The following ITIH6 variants were observed in gnomAD, a reference collection of about 807,000 sequenced individuals.
ITIH6 encodes the protein inter-alpha-trypsin inhibitor heavy chain H6.
A neutral mutation model predicts 58.2 loss-of-function variants in ITIH6; 60 were observed. The observed-to-expected ratio is 1.03, with a 90% CI of 0.84 to 1.28. The LOEUF (loss-of-function observed/expected upper bound fraction) is 1.28. Among genes scored for constraint, ITIH6 ranks in the 50% most tolerant of loss-of-function variants. The probability of loss-of-function intolerance (pLI) is 0.00; values close to 1 mark genes in which losing one functional copy is unlikely to be tolerated. For missense variants in ITIH6, 1,290 were observed against 1,021.1 expected (o/e 1.26, Z -3.59); for synonymous variants, 493 against 417.4 (o/e 1.18, Z -2.21).
At chrX:54,796,799 C>T in intron 2 of ITIH6, 143 bp downstream of exon 2, 1 of 529,599 alleles carries the variant, frequency 1.9e-6, no homozygotes. Context: ...GGGTCCCAAA[C>T]TGGCAGAGCC....
At chrX:54,793,841 C>T (rs1299514379) in intron 2 of ITIH6, among the ~76,000 whole-genome samples, 1 of 111,296 alleles carries the variant, frequency 9.0e-6, no homozygotes, top group East Asian at 2.8e-4. Context: ...CATACAGCAG[C>T]AAAGACTTTT....
chrX:54,785,417 C>T (rs1005977336), intron 5 of ITIH6, among the ~76,000 whole-genome samples: 1 of 111,055 alleles, frequency 9.0e-6, no homozygotes, highest in African/African-American at 3.3e-5. Context: ...GAATCGGTAC[C>T]GTGTGATGTG....
At chrX:54,761,532 T>C (rs1368679067) in intron 6 of ITIH6, among the ~76,000 whole-genome samples, 2 of 111,527 alleles carry the variant, frequency 1.8e-5, no homozygotes, top group Non-Finnish European at 3.8e-5. Context: ...TCCTGAATGG[T>C]ATTGCCTAGG....
chrX:54,771,723 A>C (rs1454740313), intron 6 of ITIH6, among the ~76,000 whole-genome samples: 1 of 112,072 alleles, frequency 8.9e-6, no homozygotes, highest in Non-Finnish European at 1.9e-5. Flanking sequence ...GTAGACAACA[A>C]GCATACGAAA....
intron 6 of ITIH6, among the ~76,000 whole-genome samples, chrX:54,770,261 G>C (rs1369266953): frequency 1.8e-5 from 2 of 112,599 alleles, no homozygotes; most frequent in Non-Finnish European, 3.8e-5. Context: ...CGCACCCACT[G>C]GCCTGCGCCC....
chrX:54,752,163 C>T (rs1928377293), intron 11 of ITIH6, among the ~76,000 whole-genome samples: 1 of 111,386 alleles, frequency 9.0e-6, no homozygotes, highest in Non-Finnish European at 1.9e-5. Context: ...ATGGAAAATG[C>T]ATTTTATGAA....
chrX:54,778,725 G>C (rs761865229), intron 5 of ITIH6, among the ~76,000 whole-genome samples: 8 of 110,708 alleles, frequency 7.2e-5, no homozygotes, highest in African/African-American at 2.3e-4. Flanking sequence ...TTATTCAGAG[G>C]GATAATAACA....
intron 6 of ITIH6, among the ~76,000 whole-genome samples, chrX:54,768,317 C>T (rs1194802891): frequency 1.3e-5 from 1 of 79,013 alleles, no homozygotes; most frequent in African/African-American, 5.5e-5. Flanking sequence ...CTGAATACAG[C>T]ACACTGATGG....
At position 54,757,203 on chromosome X, in the gene ITIH6, C is replaced by T. The variant is rs1341985931; in HGVS notation, c.2871G>A (p.Leu957=). ...TTGGAACTCCTGGCCTAGATGGTCC[C>T]AGAACTTGCCTGGTCCTCTGGGGAC... The part of the protein sequence containing the change: ...LPGPQRTRQV[L]GPSRPGVPTM... The change falls in exon 8 of 13, where the codon CTG becomes CTA. Residue 957 remains leucine (L), a synonymous_variant. Transcript: ENST00000218436. The T allele has an allele frequency of 8.3e-7, 1 of 1,202,678 alleles. No individual in the cohort carries two copies. The highest frequency in any genetic ancestry group is 2.2e-5 in the Admixed American group (1 of 45,385).
chrX:54,774,347 G>A, intron 5 of ITIH6, 150 bp from the exon 6 acceptor site: 1 of 321,638 alleles, frequency 3.1e-6, no homozygotes, highest in Non-Finnish European at 5.6e-6. Context: ...GTGACTGTTT[G>A]CTCACTGTCC....
At chrX:54,755,258 C>T (rs1376137368) in intron 8 of ITIH6, 149 bp from the exon 9 acceptor site, 1 of 450,584 alleles carries the variant, frequency 2.2e-6, no homozygotes, top group Admixed American at 4.1e-5. Context: ...GCCTCTTAAT[C>T]TCTCAAGCTC....
In ITIH6 at chrX:54,758,830, C is replaced by T. The variant is rs780083076; in HGVS notation, c.1244G>A (p.Arg415His). 2.1e-5 allele frequency: 25 copies of T among 1,209,496 alleles called. No individual in the cohort carries two copies. In the East Asian group the frequency reaches 3.0e-4, roughly 14 times the overall value. Residue 415 changes from arginine to histidine, a missense_variant, in exon 8 of 13, where the codon CGT becomes CAT. Physicochemically the swap from Arg to His is conservative, Grantham distance 29. Coordinates refer to ENST00000218436, the MANE Select transcript of ITIH6 (RefSeq NM_198510.3). ...GGATACCCTGTGGCCTAGCGCCTGA[C>T]GGACATTGGAGAGGATCACACTGGG... is the stretch of plus-strand genomic sequence containing the variant. ...TTPSVILSNV[R>H]QALGHRVSLF...
intron 6 of ITIH6, among the ~76,000 whole-genome samples, chrX:54,770,216 A>C (rs1928917886): frequency 8.9e-6 from 1 of 112,791 alleles, no homozygotes; most frequent in Admixed American, 9.3e-5. Flanking sequence ...CAGGTGAGGC[A>C]ATGCCTCGCC....
intron 5 of ITIH6, among the ~76,000 whole-genome samples, chrX:54,780,015 A>T (rs1263041400): frequency 8.9e-6 from 1 of 111,812 alleles, no homozygotes; most frequent in Non-Finnish European, 1.9e-5. Context: ...TGGAGAACCA[A>T]GATATATAAG....
chrX:54,788,132 T>C lies in ITIH6; in HGVS notation c.786+348A>G, dbSNP rs1235723491. ...GGAAGCCCAAGAGAACACAGGAGAG[T>C]ATAGGAGCTGCAGAACGCGTGAGAA... On this transcript the variant is annotated intron_variant, in intron 5 of 12. Transcript: ENST00000218436. 4.5e-5 allele frequency among the ~76,000 whole-genome samples: 5 copies of C among 110,824 alleles called. No homozygotes were observed. The South Asian group carries it at 1.5e-3, about 34-fold the overall frequency.
intron 6 of ITIH6, among the ~76,000 whole-genome samples, chrX:54,766,029 G>T (rs971409714): frequency 2.2e-4 from 24 of 111,070 alleles, no homozygotes; most frequent in Non-Finnish European, 4.2e-4. Context: ...CATGAGCATG[G>T]AATGTTCTTC....
At chrX:54,753,491 T>C (rs185597539) in intron 11 of ITIH6, among the ~76,000 whole-genome samples, 160 bp downstream of exon 11, 1 of 112,217 alleles carries the variant, frequency 8.9e-6, no homozygotes, top group Non-Finnish European at 1.9e-5. Flanking sequence ...AGTGTATTCA[T>C]GTGTGTTTTT....
At position 54,749,895 on chromosome X, in the gene ITIH6, T is replaced by A. The variant is rs752952937; in HGVS notation, c.3942A>T (p.Ter1314CysextTer22). 61 of 1,202,711 alleles carry A rather than the reference T, an allele frequency of 5.1e-5. No homozygotes were observed. The Admixed American group carries it at 1.4e-3, about 27-fold the overall frequency. The change falls in exon 13 of 13, where the codon TGA (stop) becomes TGT (cysteine). Residue 1314 changes from the stop codon to cysteine, a stop_lost. Coordinates refer to ENST00000218436, the MANE Select transcript of ITIH6 (RefSeq NM_198510.3). Reference sequence around the variant, plus strand: ...TCCTGGCTCTGGAATTCAGAAGCCATCACAGGACATAGGAGAGGTAGGGGT... The same window carrying A: ...TCCTGGCTCTGGAATTCAGAAGCCAACACAGGACATAGGAGAGGTAGGGGT... The part of the protein sequence containing the change: ...LGHPYLSYVL[*>C]
intron 11 of ITIH6, 41 bp from the exon 12 acceptor site, chrX:54,751,421 C>A (rs1165061946): frequency 8.4e-7 from 1 of 1,188,759 alleles, no homozygotes; most frequent in Non-Finnish European, 1.1e-6. Flanking sequence ...GGGGCTTTTG[C>A]ATGGTCATTT....
Sources: allele counts gnomAD v4.1 joint callset (sites outside exome capture counted in the v4.1 genomes callset), GRCh38; gene constraint gnomAD v4.1.1; transcripts MANE v1.5; gene names NCBI Gene and HGNC (gene_info 2026-07-23, HGNC 2026-07-21).